Variants in AKAP13 observed in about 807,000 individuals in gnomAD.
The protein encoded by AKAP13 is A-kinase anchoring protein 13, also known as A-kinase anchor protein 13.
Under a neutral mutation model 264.5 loss-of-function variants are expected in AKAP13, and 80 were observed. That is an observed-to-expected ratio of 0.30 (90% CI 0.25 to 0.36). The LOEUF (loss-of-function observed/expected upper bound fraction) is 0.36. AKAP13 is among the 10% of genes least tolerant of loss of function. AKAP13 has a pLI of 1.00. For missense variants in AKAP13, 3,712 were observed against 3,435.2 expected (o/e 1.08, Z -2.01); for synonymous variants, 1,380 against 1,250.2 (o/e 1.10, Z -2.19).
rs2083391524 is a variant in AKAP13, at chr15:85,662,311, T to G, written c.4800-2252T>G. ...GTCTGTCTCTAACTATGCCCTTCGT[T>G]TTTAAACCTAATAACCCCATTCCTG... On this transcript the variant is annotated intron_variant, in intron 12 of 36. Coordinates refer to ENST00000394518, the MANE Select transcript of AKAP13 (RefSeq NM_007200.5). The G allele has an allele frequency of 2.6e-6, 4 of 1,511,716 alleles. No homozygotes were observed. In the South Asian group the frequency reaches 3.4e-5, roughly 13 times the overall value. 93.6% of individuals were successfully genotyped at this position (1,511,716 alleles called of 1,614,324 possible). A position where few individuals can be genotyped will look rare whatever the true frequency, so the allele number is the denominator to read the frequency against.
At position 85,717,793 on chromosome 15, in the gene AKAP13, C is replaced by G. The variant is rs59199218; in HGVS notation, c.5849-214C>G. 6.5e-3 allele frequency among the ~76,000 whole-genome samples: 988 copies of G among 152,272 alleles called. 13 individuals are homozygous for G. The highest frequency in any genetic ancestry group is 0.02 in the African/African-American group (819 of 41,558). On this transcript the variant is annotated intron_variant, in intron 21 of 36. Transcript: ENST00000394518. ...TGTCTTAATCATGTTTGATTTATGT[C>G]ATGTTTATTACTGTTAACCTAAGTC...
At chr15:85,680,629 CG>C (rs1307637773) in intron 14 of AKAP13, among the ~76,000 whole-genome samples, 1 of 152,092 alleles carries the variant, frequency 6.6e-6, no homozygotes, top group Non-Finnish European at 1.5e-5. Flanking sequence ...CTTTGGGAAG[CG>C]GAGACAGGAG....
chr15:85,430,617 T>A (rs2072984989), intron 1 of AKAP13, among the ~76,000 whole-genome samples: 1 of 152,178 alleles, frequency 6.6e-6, no homozygotes, highest in South Asian at 2.1e-4. Context: ...GTGGTTGGAG[T>A]GATACTGTGG....
chr15:85,678,915 C>T (rs1244063091), intron 14 of AKAP13, among the ~76,000 whole-genome samples: 7 of 151,430 alleles, frequency 4.6e-5, no homozygotes, highest in African/African-American at 1.7e-4. Flanking sequence ...TTGTAATATA[C>T]CGGGAAGTAG....
intron 4 of AKAP13, among the ~76,000 whole-genome samples, chr15:85,543,563 CT>C (rs2077639033): frequency 6.6e-6 from 1 of 152,160 alleles, no homozygotes; most frequent in Admixed American, 6.5e-5. Context: ...GCTTCCTATA[CT>C]TTCTATGCTT....
chr15:85,619,301 AC>A, intron 8 of AKAP13: 1 of 931,348 alleles, frequency 1.1e-6, no homozygotes, highest in Non-Finnish European at 1.3e-6. Flanking sequence ...GCAAGCAGTG[AC>A]GTTCTTGAGA....
rs181138880 is a variant in AKAP13 at position 85,604,645 on chromosome 15, G to C, written c.4161+18822G>C. On this transcript the variant is annotated intron_variant, in intron 8 of 36. Transcript: ENST00000394518. ...CTCCCAGCTAATTTTTGTATTTTTA[G>C]TAGAGATGAGGTTTCACCATGTTGG... Among the ~76,000 whole-genome samples the C allele has an allele frequency of 4.6e-5, 7 of 152,112 alleles. No individual in the cohort carries two copies. In the East Asian group the frequency reaches 1.2e-3, roughly 25 times the overall value.
At chr15:85,707,396 A>C (rs191068227) in intron 17 of AKAP13, among the ~76,000 whole-genome samples, 1 of 152,332 alleles carries the variant, frequency 6.6e-6, no homozygotes, top group Admixed American at 6.5e-5. Flanking sequence ...CTTAAGTCAC[A>C]GTTCCCAGAG....
chr15:85,631,952 G>T (rs867918392), intron 8 of AKAP13, among the ~76,000 whole-genome samples: 1 of 152,124 alleles, frequency 6.6e-6, no homozygotes, highest in African/African-American at 2.4e-5. Context: ...CTTTGTGGTC[G>T]TTCAGACATA....
At chr15:85,464,372 G>A (rs575686934) in intron 1 of AKAP13, among the ~76,000 whole-genome samples, 2 of 152,274 alleles carry the variant, frequency 1.3e-5, no homozygotes, top group South Asian at 4.1e-4. Context: ...TTTGAGCAGT[G>A]TCCTTAAACA....
chr15:85,681,698 A>G (rs1210540668), intron 14 of AKAP13, among the ~76,000 whole-genome samples: 1 of 119,974 alleles, frequency 8.3e-6, no homozygotes, highest in Non-Finnish European at 2.0e-5. Flanking sequence ...ATTTCTAGCA[A>G]TTCTCATGAA....
rs71468105 is a variant in AKAP13, at chr15:85,426,955, G to GTTTTTTTTTT, written c.-12+46165_-12+46174dup. On this transcript the variant is annotated intron_variant, in intron 1 of 36. Transcript: ENST00000394518. The stretch of plus-strand genomic sequence containing the variant: ...AACCTCCTTAGTATTGTTTTGTTTT[G>GTTTTTTTTTT]TTTTTTTTTTTTTTTTTGGGGACGG... 7.2e-5 allele frequency among the ~76,000 whole-genome samples: 9 copies of GTTTTTTTTTT among 125,094 alleles called. 1 individual carries two copies. Among genetic ancestry groups the GTTTTTTTTTT allele is most frequent in the Admixed American group, 8.5e-5 (1 of 11,746 alleles). 82.1% of individuals were successfully genotyped at this position (125,094 alleles called of 152,430 possible). A position where few individuals can be genotyped will look rare whatever the true frequency, so the allele number is the denominator to read the frequency against.
chr15:85,663,531 G>A (rs1055059440), intron 12 of AKAP13, among the ~76,000 whole-genome samples: 4 of 152,146 alleles, frequency 2.6e-5, no homozygotes, highest in Non-Finnish European at 5.9e-5. Context: ...GGACTGGTAG[G>A]TATGAACTTA....
intron 9 of AKAP13, among the ~76,000 whole-genome samples, chr15:85,641,652 A>AT (rs1048868392): frequency 1.2e-4 from 18 of 150,916 alleles, no homozygotes; most frequent in Admixed American, 7.9e-4. Context: ...CACCCGGCTA[A>AT]TTTTTTTGTA....
At chr15:85,655,269 C>A in intron 10 of AKAP13, 148 bp from the exon 11 acceptor site, 1 of 877,078 alleles carries the variant, frequency 1.1e-6, no homozygotes, top group Non-Finnish European at 1.7e-6. Flanking sequence ...CAATTGTGAT[C>A]ATCCTATTAA....
intron 8 of AKAP13, among the ~76,000 whole-genome samples, chr15:85,599,153 T>A (rs2079945299): frequency 6.6e-6 from 1 of 152,196 alleles, no homozygotes. Context: ...TGTTTTTCCC[T>A]TGTCTGAGCC....
intron 26 of AKAP13, among the ~76,000 whole-genome samples, chr15:85,723,899 T>G (rs1281304401): frequency 1.3e-5 from 2 of 152,214 alleles, no homozygotes; most frequent in Non-Finnish European, 2.9e-5. Flanking sequence ...CATTTTCCAT[T>G]TGGTTTTAAT....
chr15:85,630,291 A>G, intron 8 of AKAP13, among the ~76,000 whole-genome samples: 1 of 145,852 alleles, frequency 6.9e-6, no homozygotes, highest in East Asian at 2.1e-4. Context: ...AAGATGGAAA[A>G]TTGTAATTCC....
At chr15:85,519,024 T>C (rs1275183552) in intron 2 of AKAP13, among the ~76,000 whole-genome samples, 1 of 152,066 alleles carries the variant, frequency 6.6e-6, no homozygotes, top group Non-Finnish European at 1.5e-5. Context: ...TTGGGTCTCA[T>C]ATGAGGACAA....
Sources: allele counts gnomAD v4.1 joint callset (sites outside exome capture counted in the v4.1 genomes callset), GRCh38; gene constraint gnomAD v4.1.1; transcripts MANE v1.5; gene names NCBI Gene and HGNC (gene_info 2026-07-23, HGNC 2026-07-21).